CTNNA2: variants seen among roughly 807,000 people sequenced by gnomAD.
The protein encoded by CTNNA2 is catenin alpha-2.
In CTNNA2, 42 loss-of-function variants were observed where a neutral mutation model predicts 101.0. The observed-to-expected ratio is 0.42, with a 90% CI of 0.32 to 0.54. The LOEUF (loss-of-function observed/expected upper bound fraction) is 0.54, where lower values mean the gene tolerates loss of function less well. Among genes scored for constraint, CTNNA2 ranks in the 20% least tolerant of loss-of-function variants. The probability of loss-of-function intolerance (pLI) is 0.14; values close to 1 mark genes in which losing one functional copy is unlikely to be tolerated. For missense variants in CTNNA2, 871 were observed against 1,223.1 expected, an observed-to-expected ratio of 0.71 and a Z score of 4.29; for synonymous variants, 450 against 456.4, an observed-to-expected ratio of 0.99 and a Z score of 0.18.
intron 4 of CTNNA2, among the ~76,000 whole-genome samples, chr2:79,478,870 C>G (rs1340037664): frequency 6.6e-6 from 1 of 152,164 alleles, no homozygotes; most frequent in African/African-American, 2.4e-5. Flanking sequence ...CTAACAGACT[C>G]TCAAAGTGAA....
rs138747880 is a variant in CTNNA2 at position 80,302,530 on chromosome 2, C to T, written c.1057-90681C>T. On this transcript the variant is annotated intron_variant, in intron 7 of 18. Coordinates refer to ENST00000402739, the MANE Select transcript of CTNNA2 (RefSeq NM_001282597.3). This position sits in a 1 kb window ranked among gnomAD's most constrained non-coding sequence, Gnocchi z 6.4. ...AGGAGAAGATGAGGGCCATGGTGCC[C>T]GTGACCACCTTGTGGATCTGCACGG... 1.5e-4 allele frequency: 242 copies of T among 1,611,556 alleles called. No individual in the cohort carries two copies. The Middle Eastern group carries it at 1.8e-3, about 12-fold the overall frequency.
At chr2:80,544,125 C>T (rs1691825853) in intron 9 of CTNNA2, among the ~76,000 whole-genome samples, 1 of 152,016 alleles carries the variant, frequency 6.6e-6, no homozygotes, top group African/African-American at 2.4e-5. Flanking sequence ...TTCAGTCCAG[C>T]TGTTTGGGGT....
rs147674487 is a variant in CTNNA2 at position 79,834,463 on chromosome 2, G to C, written c.299-23550G>C. The stretch of plus-strand genomic sequence containing the variant: ...TTAGAAAGTTCCCAATTTTATGGGT[G>C]CAAAATTATATCTTGCTGTTACTTT... On this transcript the variant is annotated intron_variant, in intron 3 of 18. Transcript: ENST00000402739. Among the ~76,000 whole-genome samples the C allele has an allele frequency of 9.2e-5, 14 of 152,130 alleles. No individual in the cohort carries two copies. The East Asian group carries it at 2.7e-3, about 29-fold the overall frequency.
At chr2:79,211,156 G>A (rs893402263) in intron 2 of CTNNA2, among the ~76,000 whole-genome samples, 1 of 152,152 alleles carries the variant, frequency 6.6e-6, no homozygotes, top group East Asian at 1.9e-4. Flanking sequence ...TTAAGTGGAT[G>A]TTTGTTTAAA....
chr2:80,526,621 C>A (rs1573138482), intron 9 of CTNNA2, among the ~76,000 whole-genome samples: 1 of 152,232 alleles, frequency 6.6e-6, no homozygotes, highest in African/African-American at 2.4e-5. Flanking sequence ...ACGTGAGCCA[C>A]TGTGCCGGGC....
intron 7 of CTNNA2, among the ~76,000 whole-genome samples, chr2:80,212,726 G>A (rs1318810417): frequency 2.0e-5 from 3 of 152,120 alleles, no homozygotes; most frequent in Admixed American, 2.0e-4. Context: ...GATGATGCTG[G>A]CCTCATAGAA....
At chr2:80,003,319 T>G (rs1294733154) in intron 7 of CTNNA2, among the ~76,000 whole-genome samples, 4 of 152,202 alleles carry the variant, frequency 2.6e-5, no homozygotes, top group Non-Finnish European at 5.9e-5. Context: ...TTGATTCTGT[T>G]TTTTATATTA....
chr2:80,502,140 T>A (rs1687925921), intron 9 of CTNNA2, among the ~76,000 whole-genome samples: 1 of 152,176 alleles, frequency 6.6e-6, no homozygotes, highest in African/African-American at 2.4e-5. Flanking sequence ...CCTAAATATA[T>A]ACACATTAAA....
At chr2:79,319,274 A>G (rs1200114964) in intron 3 of CTNNA2, among the ~76,000 whole-genome samples, 1 of 152,168 alleles carries the variant, frequency 6.6e-6, no homozygotes, top group Non-Finnish European at 1.5e-5. Context: ...TCAGCACCCT[A>G]CTGATTCAGC....
At chr2:79,378,302 T>C (rs561297279) in intron 4 of CTNNA2, among the ~76,000 whole-genome samples, 1 of 152,318 alleles carries the variant, frequency 6.6e-6, no homozygotes, top group South Asian at 2.1e-4. Context: ...CAAATGTAGG[T>C]ATTATTCTCT....
chr2:80,354,384 A>C (rs1673587170), intron 7 of CTNNA2, among the ~76,000 whole-genome samples: 1 of 152,154 alleles, frequency 6.6e-6, no homozygotes, highest in South Asian at 2.1e-4. Flanking sequence ...CAATGCCATC[A>C]TAACCAAATC....
At chr2:79,457,293 A>G (rs1384003378) in intron 4 of CTNNA2, among the ~76,000 whole-genome samples, 1 of 152,150 alleles carries the variant, frequency 6.6e-6, no homozygotes, top group Admixed American at 6.5e-5. Context: ...GGTGAGGAAT[A>G]GAAGAGCTAC....
chr2:80,604,287 CAG>C lies in CTNNA2; in HGVS notation c.2295+111_2295+112del. On this transcript the variant is annotated intron_variant, in intron 16 of 18. Coordinates refer to ENST00000402739, the MANE Select transcript of CTNNA2 (RefSeq NM_001282597.3). ...TATAAAATGCCTCTGAAGAATGAAT[CAG>C]AGGGGAGAATCACTGATATTTTACA... The C allele has an allele frequency of 3.8e-6, 3 of 790,450 alleles. No homozygotes were observed. In the South Asian group the frequency reaches 4.5e-5, roughly 12 times the overall value. 49.0% of individuals were successfully genotyped at this position (790,450 alleles called of 1,614,324 possible). A position where few individuals can be genotyped will look rare whatever the true frequency, so the allele number is the denominator to read the frequency against.
intron 4 of CTNNA2, among the ~76,000 whole-genome samples, chr2:79,864,926 G>GT (rs1199526195): frequency 6.6e-6 from 1 of 152,072 alleles, no homozygotes; most frequent in Non-Finnish European, 1.5e-5. Context: ...TCAAAGAACT[G>GT]TTTTTTGGGA....
At chr2:79,401,228 C>G (rs922924214) in intron 4 of CTNNA2, among the ~76,000 whole-genome samples, 1 of 151,636 alleles carries the variant, frequency 6.6e-6, no homozygotes, top group Non-Finnish European at 1.5e-5. Flanking sequence ...ATCAAAACAT[C>G]TCATGTACCC....
intron 3 of CTNNA2, among the ~76,000 whole-genome samples, chr2:79,367,877 C>A (rs1473421014): frequency 6.6e-6 from 1 of 152,156 alleles, no homozygotes; most frequent in Non-Finnish European, 1.5e-5. Context: ...TTATTATAAT[C>A]TGCAGTCTAT....
At chr2:79,883,300 G>A (rs142092482) in intron 6 of CTNNA2, among the ~76,000 whole-genome samples, 66 of 152,278 alleles carry the variant, frequency 4.3e-4, no homozygotes, top group Non-Finnish European at 9.1e-4. Flanking sequence ...TAAAATTACA[G>A]GATTGATTTC....
At chr2:79,423,666 A>G (rs1308096819) in intron 4 of CTNNA2, among the ~76,000 whole-genome samples, 1 of 152,182 alleles carries the variant, frequency 6.6e-6, no homozygotes, top group African/African-American at 2.4e-5. Context: ...TGTTTATTTC[A>G]ACTGAAGTGA....
At chr2:79,880,820 C>G (rs1683372153) in intron 6 of CTNNA2, among the ~76,000 whole-genome samples, 2 of 151,976 alleles carry the variant, frequency 1.3e-5, no homozygotes, top group African/African-American at 4.8e-5. Flanking sequence ...CTGTCTCCTT[C>G]AATTCTGCTC....
Sources: allele counts gnomAD v4.1 joint callset (sites outside exome capture counted in the v4.1 genomes callset), GRCh38; gene constraint gnomAD v4.1.1; non-coding constraint Gnocchi (gnomAD v3.1); transcripts MANE v1.5; gene names NCBI Gene and HGNC (gene_info 2026-07-23, HGNC 2026-07-21).